CFAP299: variants seen among roughly 807,000 people sequenced by gnomAD.
CFAP299 encodes cilia- and flagella-associated protein 299.
A neutral mutation model predicts 27.0 loss-of-function variants in CFAP299; 21 were observed. That is an observed-to-expected ratio of 0.78 (90% CI 0.55 to 1.12). The LOEUF (loss-of-function observed/expected upper bound fraction) is 1.12, where lower values mean the gene tolerates loss of function less well. CFAP299 is among the 50% of genes most tolerant of loss of function. CFAP299 has a pLI of 0.00. For missense variants in CFAP299, 310 were observed against 276.6 expected (o/e 1.12, Z -0.86); for synonymous variants, 104 against 98.1 (o/e 1.06, Z -0.36).
rs145620285 is a variant in CFAP299, at chr4:80,348,658, C to A, written c.111+12779C>A. Among the ~76,000 whole-genome samples the A allele has an allele frequency of 7.2e-4, 110 of 152,256 alleles. 2 individuals are homozygous for A. Among genetic ancestry groups the A allele is most frequent in the Non-Finnish European group, 1.3e-3 (85 of 68,000 alleles). On this transcript the variant is annotated intron_variant, in intron 1 of 5. Transcript: ENST00000358105. The stretch of plus-strand genomic sequence containing the variant: ...TCAAGAAGAAAGTTCTCAGAAAAAA[C>A]CCAACCTGCCAACACCTTGCTGTTC...
At chr4:80,321,686 T>A in the CFAP299 span, among the ~76,000 whole-genome samples, 1 of 152,182 alleles carries the variant, frequency 6.6e-6, no homozygotes, top group Admixed American at 6.5e-5. Flanking sequence ...ATTTGCGTTT[T>A]CAACATATCT....
intron 2 of CFAP299, among the ~76,000 whole-genome samples, chr4:80,565,615 A>G (rs866520526): frequency 8.5e-5 from 13 of 152,202 alleles, no homozygotes; most frequent in Middle Eastern, 3.4e-3. Context: ...AACATTGAAA[A>G]ATAAATGAAC....
At chr4:80,767,302 C>G (rs1271164306) in intron 3 of CFAP299, among the ~76,000 whole-genome samples, 1 of 152,128 alleles carries the variant, frequency 6.6e-6, no homozygotes, top group Non-Finnish European at 1.5e-5. Flanking sequence ...TACAATCTCT[C>G]TTTCTCCTCA....
At chr4:80,728,486 A>G (rs1723288653) in intron 3 of CFAP299, among the ~76,000 whole-genome samples, 4 of 152,152 alleles carry the variant, frequency 2.6e-5, no homozygotes, top group Admixed American at 2.6e-4. Context: ...GAAACTATTC[A>G]GGAACACAAT....
intron 3 of CFAP299, among the ~76,000 whole-genome samples, chr4:80,634,539 A>G (rs962424608): frequency 6.6e-6 from 1 of 152,148 alleles, no homozygotes; most frequent in Non-Finnish European, 1.5e-5. Context: ...TTTTATAAAT[A>G]CTATGCTAAT....
chr4:80,650,616 G>A (rs2109968903), intron 3 of CFAP299, among the ~76,000 whole-genome samples: 1 of 152,216 alleles, frequency 6.6e-6, no homozygotes, highest in Admixed American at 6.5e-5. Context: ...CTCTTAAAAG[G>A]TACAGTACAG....
intron 2 of CFAP299, among the ~76,000 whole-genome samples, chr4:80,487,519 A>T (rs1730884032): frequency 6.6e-6 from 1 of 152,084 alleles, no homozygotes; most frequent in Non-Finnish European, 1.5e-5. Context: ...TATTCTCCTT[A>T]AGTTACTTCC....
chr4:80,891,725 C>A, intron 4 of CFAP299, among the ~76,000 whole-genome samples: 2 of 106,848 alleles, frequency 1.9e-5, no homozygotes, highest in African/African-American at 3.8e-5. Flanking sequence ...TGTAACTAAC[C>A]TGCACAATGT....
At chr4:80,482,519 C>T (rs1255825908) in intron 2 of CFAP299, among the ~76,000 whole-genome samples, 2 of 151,900 alleles carry the variant, frequency 1.3e-5, no homozygotes, top group Non-Finnish European at 2.9e-5. Flanking sequence ...CAAGTTACAG[C>T]AATAAAAAAA....
chr4:80,584,326 A>G lies in CFAP299; in HGVS notation c.333+1143A>G, dbSNP rs370093194. Among the ~76,000 whole-genome samples, 155 of 152,158 alleles carry G rather than the reference A, an allele frequency of 1.0e-3. 1 individual carries two copies. Among genetic ancestry groups the G allele is most frequent in the Non-Finnish European group, 1.9e-3 (130 of 67,936 alleles). ...TAATTTAATCTCCAGAAATGTTGCA[A>G]TAGGAATGGTAGAATTGCAGAGGAT... On this transcript the variant is annotated intron_variant, in intron 3 of 5. Coordinates refer to ENST00000358105, the MANE Select transcript of CFAP299 (RefSeq NM_152770.3).
rs17004886 is a variant in CFAP299, at chr4:80,362,762, C to T, written c.120C>T (p.Thr40=). The change falls in exon 2 of 6, where the codon ACC becomes ACT. Residue 40 remains threonine, a synonymous_variant. Transcript: ENST00000358105. ...TVDLYYLEDE[T]LARQLVELGY... ...ACTGATTTTCTCTCTAGGATGAAAC[C>T]CTGGCCCGCCAGTTGGTGGAGCTAG... 30,207 of 1,603,210 alleles carry T rather than the reference C, an allele frequency of 0.019. 2,398 individuals carry two copies. In the African/African-American group the frequency reaches 0.24, roughly 13 times the overall value.
intron 3 of CFAP299, among the ~76,000 whole-genome samples, chr4:80,761,086 T>C (rs1725521677): frequency 6.6e-6 from 1 of 152,210 alleles, no homozygotes; most frequent in African/African-American, 2.4e-5. Flanking sequence ...CTCATTTTGA[T>C]AGCAATTCAG....
In CFAP299 at chr4:80,726,417, A is replaced by G. The variant is rs140747397; in HGVS notation, c.333+143234A>G. On this transcript the variant is annotated intron_variant, in intron 3 of 5. Transcript: ENST00000358105. ...TTAAACTGTTAAAAGAAAGAAAAAG[A>G]TATCTTTTTAAAAGCCTCCAAGTAA... is the stretch of plus-strand genomic sequence containing the variant. 7.9e-5 allele frequency among the ~76,000 whole-genome samples: 12 copies of G among 152,324 alleles called. No individual in the cohort carries two copies. The East Asian group carries it at 1.7e-3, about 22-fold the overall frequency.
chr4:80,939,580 T>C (rs1737089366), intron 4 of CFAP299, among the ~76,000 whole-genome samples: 1 of 152,204 alleles, frequency 6.6e-6, no homozygotes, highest in Non-Finnish European at 1.5e-5. Context: ...TGTAAATCTG[T>C]GTTCTTTTGT....
At chr4:80,399,284 G>A (rs539488609) in intron 2 of CFAP299, among the ~76,000 whole-genome samples, 61 of 152,262 alleles carry the variant, frequency 4.0e-4, no homozygotes, top group Middle Eastern at 6.8e-3. Context: ...ACAGTGTTGC[G>A]ATTCCTCAAG....
chr4:80,520,768 T>G (rs188461142), intron 2 of CFAP299, among the ~76,000 whole-genome samples: 1 of 152,246 alleles, frequency 6.6e-6, no homozygotes, highest in African/African-American at 2.4e-5. Flanking sequence ...ACTATAGCTA[T>G]ATTTATGCAC....
At chr4:80,580,505 G>A (rs1410963271) in intron 2 of CFAP299, among the ~76,000 whole-genome samples, 3 of 151,714 alleles carry the variant, frequency 2.0e-5, no homozygotes, top group Non-Finnish European at 2.9e-5. Flanking sequence ...ATGCTCTGTG[G>A]GTATGTAGGG....
intron 3 of CFAP299, among the ~76,000 whole-genome samples, chr4:80,863,179 C>CAGCAACATACTGCTA (rs1468324659): frequency 1.3e-5 from 2 of 150,238 alleles, no homozygotes; most frequent in East Asian, 2.0e-4. Context: ...AGTTTCAGTA[C>CAGCAACATACTGCTA]AGCAACATAC....
chr4:80,468,037 G>T (rs891580792), intron 2 of CFAP299, among the ~76,000 whole-genome samples: 6 of 152,094 alleles, frequency 3.9e-5, no homozygotes, highest in African/African-American at 1.4e-4. Context: ...ATGAGATTTG[G>T]GTGGGAACAC....
Sources: gnomAD v4.1 joint callset for allele counts (sites outside exome capture counted in the v4.1 genomes callset) on GRCh38, gnomAD v4.1.1 for gene constraint, MANE v1.5 for transcripts, NCBI Gene and HGNC (gene_info 2026-07-23, HGNC 2026-07-21) for gene names.